The following LPIN2 variants were observed in gnomAD, a reference collection of about 807,000 sequenced individuals.
The protein encoded by LPIN2 is lipin 2, also known as phosphatidate phosphatase LPIN2.
Under a neutral mutation model 111.4 loss-of-function variants are expected in LPIN2, and 55 were observed. The observed-to-expected ratio is 0.49, with a 90% CI of 0.40 to 0.62. The LOEUF is 0.62. Ranked by LOEUF, LPIN2 falls within the 20% of genes least tolerant of loss-of-function variation. The pLI, the probability that LPIN2 is intolerant of heterozygous loss-of-function variation, is 0.00. For synonymous variants in LPIN2, 425 were observed against 414.0 expected (o/e 1.03, Z -0.32); for missense variants, 992 against 1,112.1 (o/e 0.89, Z 1.54).
At chr18:3,006,291 GATA>G (rs1254584196) in intron 1 of LPIN2, among the ~76,000 whole-genome samples, 1 of 152,182 alleles carries the variant, frequency 6.6e-6, no homozygotes, top group African/African-American at 2.4e-5. Flanking sequence ...GGATAGACTA[GATA>G]TTAAAGACCC....
intron 1 of LPIN2, among the ~76,000 whole-genome samples, chr18:2,968,037 C>A (rs557098851): frequency 6.6e-6 from 1 of 152,312 alleles, no homozygotes; most frequent in Non-Finnish European, 1.5e-5. Context: ...CTCACCGCTC[C>A]TAGACCTTCA....
At chr18:2,965,585 G>A (rs970816779) in intron 1 of LPIN2, among the ~76,000 whole-genome samples, 1 of 151,840 alleles carries the variant, frequency 6.6e-6, no homozygotes, top group African/African-American at 2.4e-5. Flanking sequence ...AAAAAAATTG[G>A]CCTGTATCGT....
In LPIN2 at chr18:2,920,849, T is replaced by C; in HGVS notation, c.2475A>G (p.Pro825=). 1.2e-6 allele frequency: 2 copies of C among 1,614,092 alleles called. No individual in the cohort carries two copies. Among genetic ancestry groups the C allele is most frequent in the South Asian group, 2.2e-5 (2 of 91,084 alleles). Residue 825 remains proline, a synonymous_variant, in exon 19 of 20, where the codon CCA becomes CCG. Coordinates refer to ENST00000677752, the MANE Select transcript of LPIN2 (RefSeq NM_001375808.2). ...GGTTCACGGTGAATATTCTACAGTC[T>C]GGAACTCCAACTTGTGTGTAGGCAT... ...DVYAYTQVGV[P]DCRIFTVNPK... is the part of the protein sequence containing the mutation.
chr18:3,001,608 T>C (rs1251312011), intron 1 of LPIN2, among the ~76,000 whole-genome samples: 1 of 148,852 alleles, frequency 6.7e-6, no homozygotes, highest in African/African-American at 2.4e-5. Flanking sequence ...ATAGAGAAGG[T>C]CTAAAATGAA....
In LPIN2 at chr18:2,919,453, A is replaced by C. The variant is rs1244202026; in HGVS notation, c.*840T>G. ...AGCAGAGGGATTCAGCGCTCTTCCCAGGACCCCACTCAACCGCCTATCTGC... is the reference window on the plus strand; with the variant it reads ...AGCAGAGGGATTCAGCGCTCTTCCCCGGACCCCACTCAACCGCCTATCTGC... On this transcript the variant is annotated 3_prime_UTR_variant, in exon 20 of 20. Coordinates refer to ENST00000677752, the MANE Select transcript of LPIN2 (RefSeq NM_001375808.2). The C allele has an allele frequency of 6.6e-6, 1 of 152,338 alleles. No homozygotes were observed. Among genetic ancestry groups the C allele is most frequent in the African/African-American group, 2.4e-5 (1 of 41,476 alleles). The allele number at this position is 152,338 out of a possible 1,614,324, so 9.4% of individuals were successfully genotyped here.
rs2282636 is a variant in LPIN2 at position 2,921,779 on chromosome 18, T to C, written c.2328-132A>G. On this transcript the variant is annotated intron_variant, in intron 17 of 19. Coordinates refer to ENST00000677752, the MANE Select transcript of LPIN2 (RefSeq NM_001375808.2). ...TGTAACTGGAATCTTTCCTTCTCCT[T>C]CTTTGCCAGTCTGATAACTAAGAAA... 0.31 allele frequency: 249,818 copies of C among 793,214 alleles called. 42,509 individuals carry two copies. The highest frequency in any genetic ancestry group is 0.62 in the East Asian group (23,352 of 37,592). The allele number at this position is 793,214 out of a possible 1,614,324, so 49.1% of individuals were successfully genotyped here. A position where few individuals can be genotyped will look rare whatever the true frequency, so the allele number is the denominator to read the frequency against.
At chr18:3,001,840 T>TATA (rs2078439844) in intron 1 of LPIN2, among the ~76,000 whole-genome samples, 1 of 152,174 alleles carries the variant, frequency 6.6e-6, no homozygotes, top group African/African-American at 2.4e-5. Context: ...TATTATGTGA[T>TATA]ATAGCCTAAT....
At chr18:2,935,369 G>C (rs1416229909) in intron 7 of LPIN2, among the ~76,000 whole-genome samples, 1 of 152,136 alleles carries the variant, frequency 6.6e-6, no homozygotes, top group Non-Finnish European at 1.5e-5. Context: ...TCCCAGTTAA[G>C]AAAATATAGG....
At chr18:2,924,198 G>C (rs2077097637) in intron 15 of LPIN2, among the ~76,000 whole-genome samples, 200 bp downstream of exon 15, 1 of 152,128 alleles carries the variant, frequency 6.6e-6, no homozygotes, top group Non-Finnish European at 1.5e-5. Flanking sequence ...TTTGACATTT[G>C]TTATGCACCC....
chr18:2,990,713 G>A, intron 1 of LPIN2: 1 of 317,886 alleles, frequency 3.1e-6, no homozygotes, highest in Non-Finnish European at 6.3e-6. Context: ...TATTGCAGTG[G>A]TAGGAAACAG....
At chr18:3,001,469 C>T (rs940505082) in intron 1 of LPIN2, among the ~76,000 whole-genome samples, 1 of 152,018 alleles carries the variant, frequency 6.6e-6, no homozygotes, top group South Asian at 2.1e-4. Context: ...CAATATTTAG[C>T]CATGAAAATA....
rs1438142338 is a variant in LPIN2 at position 3,004,559 on chromosome 18, A to C, written c.-10+8528T>G. ...TTAAGGATCCTTCTACTCACAGTCCAGTGCCATGTAACCCAGGAGTCACAG... is the reference window on the plus strand; with the variant it reads ...TTAAGGATCCTTCTACTCACAGTCCCGTGCCATGTAACCCAGGAGTCACAG... On this transcript the variant is annotated intron_variant, in intron 1 of 19. Transcript: ENST00000677752. 5.9e-5 allele frequency among the ~76,000 whole-genome samples: 9 copies of C among 152,316 alleles called. No individual in the cohort carries two copies. The East Asian group carries it at 1.7e-3, about 29-fold the overall frequency.
At chr18:2,946,287 C>A (rs772001594) in intron 4 of LPIN2, 10 of 1,527,004 alleles carry the variant, frequency 6.5e-6, no homozygotes, top group African/African-American at 1.4e-5. Context: ...TCAGATAGTT[C>A]CTTCTCCTCA....
chr18:2,976,467 A>C (rs1445409917), intron 1 of LPIN2, among the ~76,000 whole-genome samples: 1 of 152,256 alleles, frequency 6.6e-6, no homozygotes, highest in Non-Finnish European at 1.5e-5. Context: ...CGTGGAAAAA[A>C]GAATGTAGGC....
chr18:2,976,652 A>G (rs2078021990), intron 1 of LPIN2, among the ~76,000 whole-genome samples: 1 of 152,170 alleles, frequency 6.6e-6, no homozygotes. Context: ...TCTCTGACAA[A>G]TGTTTATAAG....
intron 1 of LPIN2, among the ~76,000 whole-genome samples, chr18:2,963,642 A>C (rs959178419): frequency 6.6e-6 from 1 of 152,008 alleles, no homozygotes; most frequent in Non-Finnish European, 1.5e-5. Context: ...AAAGAGCAAA[A>C]GCAAAGACAG....
At chr18:2,969,912 A>C (rs1015890937) in intron 1 of LPIN2, among the ~76,000 whole-genome samples, 1 of 152,224 alleles carries the variant, frequency 6.6e-6, no homozygotes, top group Non-Finnish European at 1.5e-5. Flanking sequence ...ATCCTGTCGT[A>C]TAAAGATGTC....
chr18:2,941,477 G>A (rs2077366022), intron 4 of LPIN2, among the ~76,000 whole-genome samples: 1 of 152,166 alleles, frequency 6.6e-6, no homozygotes, highest in Non-Finnish European at 1.5e-5. Flanking sequence ...TAACTACCTT[G>A]CCATATAACC....
chr18:2,970,798 T>A (rs1026294748), intron 1 of LPIN2, among the ~76,000 whole-genome samples: 2 of 152,236 alleles, frequency 1.3e-5, no homozygotes, highest in African/African-American at 4.8e-5. Context: ...TAAGCTTAGT[T>A]CTCAGGGCTG....
Sources: allele counts gnomAD v4.1 joint callset (sites outside exome capture counted in the v4.1 genomes callset), GRCh38; gene constraint gnomAD v4.1.1; transcripts MANE v1.5; gene names NCBI Gene and HGNC (gene_info 2026-07-23, HGNC 2026-07-21).